The following PTPRQ variants were observed in gnomAD, a reference collection of about 807,000 sequenced individuals.
The protein encoded by PTPRQ is phosphatidylinositol phosphatase PTPRQ.
A neutral mutation model predicts 246.0 loss-of-function variants in PTPRQ; 199 were observed. The ratio of observed to expected loss-of-function variants is 0.81; its 90% confidence interval spans 0.72 to 0.91. The LOEUF (loss-of-function observed/expected upper bound fraction) is 0.91, where lower values mean the gene tolerates loss of function less well. Ranked by LOEUF, PTPRQ falls within the 40% of genes least tolerant of loss-of-function variation. The pLI is 0.00. For synonymous variants in PTPRQ, 869 were observed against 853.2 expected, an observed-to-expected ratio of 1.02 and a Z score of -0.32; for missense variants, 2,624 against 2,528.4, an observed-to-expected ratio of 1.04 and a Z score of -0.81.
intron 33 of PTPRQ, among the ~76,000 whole-genome samples, chr12:80,630,469 A>T (rs557362616): frequency 6.6e-6 from 1 of 152,302 alleles, no homozygotes; most frequent in South Asian, 2.1e-4. Flanking sequence ...AATACCTTCC[A>T]TCAGGAAGTG....
intron 25 of PTPRQ, among the ~76,000 whole-genome samples, chr12:80,558,168 C>CTTTTCTTTTT (rs71094987): frequency 5.7e-5 from 2 of 35,226 alleles, no homozygotes; most frequent in African/African-American, 1.2e-4. Flanking sequence ...CTTTTCTTTT[C>CTTTTCTTTTT]TTTCTTTTCT....
intron 14 of PTPRQ, among the ~76,000 whole-genome samples, chr12:80,501,595 A>G (rs1256077390): frequency 1.3e-5 from 2 of 152,008 alleles, no homozygotes; most frequent in African/African-American, 4.8e-5. Flanking sequence ...GGATAAAGTC[A>G]TATCACTGGA....
chr12:80,562,227 A>C (rs1019193628), intron 25 of PTPRQ, among the ~76,000 whole-genome samples: 4 of 152,128 alleles, frequency 2.6e-5, no homozygotes, highest in African/African-American at 9.7e-5. Context: ...ATCTATATTT[A>C]TGAAAAATAC....
chr12:80,643,688 G>A (rs1229929630), intron 35 of PTPRQ, among the ~76,000 whole-genome samples: 3 of 152,010 alleles, frequency 2.0e-5, no homozygotes, highest in Non-Finnish European at 4.4e-5. Flanking sequence ...AAAAATTAAG[G>A]CACCTTTAAA....
At chr12:80,601,751 C>A (rs1898150905) in intron 26 of PTPRQ, among the ~76,000 whole-genome samples, 1 of 151,542 alleles carries the variant, frequency 6.6e-6, no homozygotes, top group African/African-American at 2.4e-5. Context: ...CCATTGAAAC[C>A]CACAAAGCAT....
intron 27 of PTPRQ, among the ~76,000 whole-genome samples, chr12:80,605,681 T>C (rs1898290908): frequency 6.6e-6 from 1 of 150,892 alleles, no homozygotes; most frequent in African/African-American, 2.4e-5. Context: ...TAAATGGGAA[T>C]AGGGGTGTAA....
rs1837839459 is a variant in PTPRQ, at chr12:80,610,598, G to A, written c.4891G>A (p.Glu1631Lys). The stretch of plus-strand genomic sequence containing the variant: ...ATATGTAGAAGGGAAGTCAAGTGCT[G>A]AAATGATTGTTACTACTTTAGAATC... The part of the protein sequence containing the change: ...AAYVEGKSSA[E>K]MIVTTLESAP... Residue 1631 changes from glutamate (E) to lysine (K), a missense_variant, in exon 28 of 45, where the codon GAA becomes AAA. Physicochemically the swap from Glu to Lys is moderately conservative, Grantham distance 56. Transcript: ENST00000644991. The A allele has an allele frequency of 3.9e-6, 6 of 1,543,078 alleles. No homozygotes were observed. The highest frequency in any genetic ancestry group is 2.0e-5 in the Admixed American group (1 of 50,638).
At chr12:80,562,682 A>G (rs1014984041) in intron 25 of PTPRQ, among the ~76,000 whole-genome samples, 1 of 152,164 alleles carries the variant, frequency 6.6e-6, no homozygotes, top group Non-Finnish European at 1.5e-5. Context: ...AAGAGAAAAT[A>G]GACCAATAAT....
intron 25 of PTPRQ, among the ~76,000 whole-genome samples, chr12:80,570,492 C>T (rs1897114417): frequency 6.6e-6 from 1 of 151,800 alleles, no homozygotes; most frequent in South Asian, 2.1e-4. Flanking sequence ...AGCTTTTTGT[C>T]AGGTGGATAG....
chr12:80,559,034 GTCTTT>G (rs919240106), intron 25 of PTPRQ, among the ~76,000 whole-genome samples: 4 of 152,050 alleles, frequency 2.6e-5, no homozygotes, highest in African/African-American at 9.7e-5. Context: ...GCTGTAGCTT[GTCTTT>G]TCTTTTCTTT....
At position 80,542,919 on chromosome 12, in the gene PTPRQ, A is replaced by T. The variant is rs1358774140; in HGVS notation, c.3873+38A>T. Reference sequence around the variant, plus strand: ...TAACAGTATATGTTTATTTTTAAAAATCAGAAATTGAATTAAAATCTTTTG... The same window carrying T: ...TAACAGTATATGTTTATTTTTAAAATTCAGAAATTGAATTAAAATCTTTTG... On this transcript the variant is annotated intron_variant, in intron 23 of 44. Coordinates refer to ENST00000644991, the MANE Select transcript of PTPRQ (RefSeq NM_001145026.2). The T allele has an allele frequency of 3.9e-6, 5 of 1,269,196 alleles. No individual in the cohort carries two copies. In the East Asian group the frequency reaches 1.5e-4, roughly 38 times the overall value. 78.6% of individuals were successfully genotyped at this position (1,269,196 alleles called of 1,614,324 possible). A position where few individuals can be genotyped will look rare whatever the true frequency, so the allele number is the denominator to read the frequency against.
intron 17 of PTPRQ, 118 bp downstream of exon 17, chr12:80,510,561 G>T: frequency 9.7e-7 from 1 of 1,027,400 alleles, no homozygotes; most frequent in Non-Finnish European, 1.3e-6. Context: ...TTATTAATAG[G>T]CTAGTTAATA....
intron 8 of PTPRQ, among the ~76,000 whole-genome samples, chr12:80,475,606 G>A (rs1337702343): frequency 6.6e-6 from 1 of 151,804 alleles, no homozygotes; most frequent in African/African-American, 2.4e-5. Context: ...TCTTTTTAAA[G>A]ACAAGATACA....
chr12:80,450,861 T>C (rs928156753), intron 3 of PTPRQ, among the ~76,000 whole-genome samples: 131 of 152,184 alleles, frequency 8.6e-4, no homozygotes, highest in Non-Finnish European at 1.7e-3. Context: ...TGTCTCTGCC[T>C]GGCTTTGGTA....
intron 35 of PTPRQ, among the ~76,000 whole-genome samples, chr12:80,639,145 C>A (rs1437601436): frequency 1.3e-5 from 2 of 152,184 alleles, no homozygotes; most frequent in Non-Finnish European, 2.9e-5. Context: ...TTGCCTTTAA[C>A]TACTTTAACT....
chr12:80,612,086 A>G (rs1283980644), intron 28 of PTPRQ, among the ~76,000 whole-genome samples: 2 of 150,350 alleles, frequency 1.3e-5, no homozygotes, highest in African/African-American at 4.8e-5. Context: ...GAAGGATATA[A>G]CTATTTCAAG....
chr12:80,445,323 G>A (rs1198240493), intron 2 of PTPRQ, among the ~76,000 whole-genome samples, 168 bp from the exon 3 acceptor site: 1 of 151,724 alleles, frequency 6.6e-6, no homozygotes, highest in Non-Finnish European at 1.5e-5. Flanking sequence ...GAATGCTTTT[G>A]GTATTCCACA....
intron 28 of PTPRQ, among the ~76,000 whole-genome samples, chr12:80,611,723 G>A (rs1318257595): frequency 6.7e-6 from 1 of 150,008 alleles, no homozygotes; most frequent in Admixed American, 6.7e-5. Context: ...CAAAAATCTG[G>A]GTACTAGGAA....
chr12:80,678,076 C>G (rs1244171008), intron 43 of PTPRQ, among the ~76,000 whole-genome samples: 1 of 152,094 alleles, frequency 6.6e-6, no homozygotes, highest in East Asian at 1.9e-4. Context: ...TGACCCACTG[C>G]CTTGTATTTA....
Sources: allele counts gnomAD v4.1 joint callset (sites outside exome capture counted in the v4.1 genomes callset), GRCh38; gene constraint gnomAD v4.1.1; transcripts MANE v1.5; gene names NCBI Gene and HGNC (gene_info 2026-07-23, HGNC 2026-07-21).